FSTL4: variants seen among roughly 807,000 people sequenced by gnomAD.
The protein encoded by FSTL4 is follistatin like 4.
In FSTL4, 28 loss-of-function variants were observed where a neutral mutation model predicts 78.2. That is an observed-to-expected ratio of 0.36 (90% CI 0.27 to 0.49). The LOEUF is 0.49. Among genes scored for constraint, FSTL4 ranks in the 20% least tolerant of loss-of-function variants. The probability of loss-of-function intolerance (pLI) is 0.98; values close to 1 mark genes in which losing one functional copy is unlikely to be tolerated. For synonymous variants in FSTL4, 422 were observed against 440.5 expected, an observed-to-expected ratio of 0.96 and a Z score of 0.53; for missense variants, 922 against 1,084.9, an observed-to-expected ratio of 0.85 and a Z score of 2.11.
intron 4 of FSTL4, among the ~76,000 whole-genome samples, chr5:133,394,422 T>C (rs1755943573): frequency 6.6e-6 from 1 of 152,194 alleles, no homozygotes; most frequent in South Asian, 2.1e-4. Flanking sequence ...CAGGTGGGCA[T>C]GGGCTTGGTG....
At chr5:133,238,544 C>T (rs750507233) in intron 7 of FSTL4, among the ~76,000 whole-genome samples, 1 of 152,252 alleles carries the variant, frequency 6.6e-6, no homozygotes, top group Non-Finnish European at 1.5e-5. Flanking sequence ...TGAGCACACA[C>T]AGGCATCCAC....
chr5:133,561,206 G>C (rs1047231536), intron 3 of FSTL4, among the ~76,000 whole-genome samples: 3 of 151,810 alleles, frequency 2.0e-5, no homozygotes, highest in African/African-American at 4.8e-5. Flanking sequence ...GGAGACAGAA[G>C]AATGAACTGG....
chr5:133,653,912 A>T, the FSTL4 span, among the ~76,000 whole-genome samples: 1 of 152,250 alleles, frequency 6.6e-6, no homozygotes. Flanking sequence ...CTGACAGGAC[A>T]GAACAGAAGG....
At chr5:133,796,452 ACTC>A in the FSTL4 span, among the ~76,000 whole-genome samples, 3 of 151,942 alleles carry the variant, frequency 2.0e-5, no homozygotes, top group Non-Finnish European at 4.4e-5. Flanking sequence ...CCACACACAG[ACTC>A]GAAGGATGAA....
chr5:133,757,985 T>C, the FSTL4 span, among the ~76,000 whole-genome samples: 1 of 152,324 alleles, frequency 6.6e-6, no homozygotes, highest in African/African-American at 2.4e-5. Context: ...ATATATGTTG[T>C]ATGCACACAC....
rs527683534 is a variant in FSTL4, at chr5:133,568,984, T to C, written c.127-1765A>G. 2.0e-5 allele frequency among the ~76,000 whole-genome samples: 3 copies of C among 152,370 alleles called. No homozygotes were observed. In the South Asian group the frequency reaches 6.2e-4, roughly 32 times the overall value. On this transcript the variant is annotated intron_variant, in intron 2 of 15. Transcript: ENST00000265342. Reference sequence around the variant, plus strand: ...TTCAAGAGTATTTTATAGTTTTCCTTGTGCGTATTTTGAATATTTCTTTTT... The same window carrying C: ...TTCAAGAGTATTTTATAGTTTTCCTCGTGCGTATTTTGAATATTTCTTTTT...
At chr5:133,493,513 C>T (rs1758311058) in intron 3 of FSTL4, among the ~76,000 whole-genome samples, 1 of 152,192 alleles carries the variant, frequency 6.6e-6, no homozygotes, top group African/African-American at 2.4e-5. Context: ...TCTTAGTCCC[C>T]ATTTTCACAG....
rs899702437 is a variant in FSTL4 at position 133,236,166 on chromosome 5, C to T, written c.895-2629G>A. ...AGCCTTCACATCCACAGCCCCTTCT[C>T]ATGATGGCCCTTGAAGCTGGCCTCA... On this transcript the variant is annotated intron_variant, in intron 7 of 15. Transcript: ENST00000265342. This position sits in a 1 kb window ranked among gnomAD's most constrained non-coding sequence, Gnocchi z 5.0. Among the ~76,000 whole-genome samples the T allele has an allele frequency of 6.6e-6, 1 of 152,174 alleles. No individual in the cohort carries two copies. Among genetic ancestry groups the T allele is most frequent in the Non-Finnish European group, 1.5e-5 (1 of 68,038 alleles).
intron 3 of FSTL4, among the ~76,000 whole-genome samples, chr5:133,533,390 T>C (rs1483969347): frequency 6.6e-6 from 1 of 152,154 alleles, no homozygotes; most frequent in Non-Finnish European, 1.5e-5. Flanking sequence ...GACTACAGGC[T>C]TGTAGCAACA....
At chr5:133,709,033 A>C in the FSTL4 span, among the ~76,000 whole-genome samples, 2 of 152,216 alleles carry the variant, frequency 1.3e-5, no homozygotes, top group Non-Finnish European at 2.9e-5. Flanking sequence ...AATCCATAAC[A>C]AACTTCCCCA....
At chr5:133,656,411 G>A in the FSTL4 span, among the ~76,000 whole-genome samples, 1 of 152,192 alleles carries the variant, frequency 6.6e-6, no homozygotes, top group Non-Finnish European at 1.5e-5. Context: ...CTTATGACCT[G>A]CCATTTGCAC....
chr5:133,339,466 G>T (rs1006693620), intron 4 of FSTL4, among the ~76,000 whole-genome samples: 1 of 152,016 alleles, frequency 6.6e-6, no homozygotes, highest in Non-Finnish European at 1.5e-5. Context: ...TATTCTGAGA[G>T]CCCTGGACAC....
At chr5:133,573,786 C>A (rs1429098742) in intron 2 of FSTL4, among the ~76,000 whole-genome samples, 1 of 152,126 alleles carries the variant, frequency 6.6e-6, no homozygotes. Flanking sequence ...AGTGTCCATT[C>A]GAGATTTATA....
intron 14 of FSTL4, chr5:133,208,067 T>C (rs1750582706): frequency 6.6e-6 from 1 of 152,200 alleles, no homozygotes; most frequent in Non-Finnish European, 1.5e-5. Context: ...CATTTCTAGA[T>C]AGCCTCTCCT....
intron 4 of FSTL4, among the ~76,000 whole-genome samples, chr5:133,389,551 TC>T (rs1561697543): frequency 6.6e-6 from 1 of 152,158 alleles, no homozygotes; most frequent in Non-Finnish European, 1.5e-5. Context: ...TTCTGAAACC[TC>T]CTCCTTTGTC....
chr5:133,544,460 A>G (rs1220727118), intron 3 of FSTL4, among the ~76,000 whole-genome samples: 1 of 152,228 alleles, frequency 6.6e-6, no homozygotes, highest in Non-Finnish European at 1.5e-5. Flanking sequence ...AAATCACTGT[A>G]CAGCTGGACT....
Position 133,225,352 on chromosome 5 carries a change from C to T in FSTL4, c.1178-68G>A. On this transcript the variant is annotated intron_variant, in intron 9 of 15. Coordinates refer to ENST00000265342, the MANE Select transcript of FSTL4 (RefSeq NM_015082.2). The surrounding 1 kb of genome is among the most constrained non-coding windows in gnomAD (Gnocchi z 4.6). ...ACCCACTCACTTTCCTTTATGGGGCCATTGAGAGTGTTAGGGCTGCCCAGC... is the reference window on the plus strand; with the variant it reads ...ACCCACTCACTTTCCTTTATGGGGCTATTGAGAGTGTTAGGGCTGCCCAGC... 1 of 1,594,152 alleles carries T rather than the reference C, an allele frequency of 6.3e-7. No homozygotes were observed. Among genetic ancestry groups the T allele is most frequent in the South Asian group, 1.1e-5 (1 of 90,518 alleles).
intron 4 of FSTL4, among the ~76,000 whole-genome samples, chr5:133,367,772 A>G (rs1273216883): frequency 1.3e-5 from 2 of 152,240 alleles, no homozygotes; most frequent in Middle Eastern, 3.2e-3. Flanking sequence ...AGAGTAGAAA[A>G]GGAAATGTAA....
intron 3 of FSTL4, among the ~76,000 whole-genome samples, chr5:133,471,753 G>A (rs31346): frequency 0.13 from 19,553 of 152,210 alleles, 2,204 homozygotes; most frequent in African/African-American, 0.31. Flanking sequence ...TCACCCACAA[G>A]GAATAAGGAT....
Sources: gnomAD v4.1 joint callset for allele counts (sites outside exome capture counted in the v4.1 genomes callset) on GRCh38, gnomAD v4.1.1 for gene constraint, Gnocchi (gnomAD v3.1) non-coding constraint, MANE v1.5 for transcripts, NCBI Gene and HGNC (gene_info 2026-07-23, HGNC 2026-07-21) for gene names.